Variants in FAT3 observed in about 807,000 individuals in gnomAD.
FAT3 encodes the protein FAT atypical cadherin 3.
In FAT3, 95 loss-of-function variants were observed where a neutral mutation model predicts 310.2. That is an observed-to-expected ratio of 0.31 (90% CI 0.26 to 0.36). The LOEUF is 0.36. Ranked by LOEUF, FAT3 falls within the 10% of genes least tolerant of loss-of-function variation. The pLI is 1.00. For missense variants in FAT3, 5,408 were observed against 5,715.6 expected (o/e 0.95, Z 1.74); for synonymous variants, 2,314 against 2,192.9 (o/e 1.06, Z -1.54).
chr11:92,639,480 T>TTCTC (rs1591550791), intron 3 of FAT3, among the ~76,000 whole-genome samples: 1 of 152,090 alleles, frequency 6.6e-6, no homozygotes, highest in South Asian at 2.1e-4. Flanking sequence ...ACTTCTCTCT[T>TTCTC]TCTCTCTCTC....
rs550628479 is a variant in FAT3 at position 92,272,734 on chromosome 11, G to A, written c.-18+47560G>A. 4.6e-5 allele frequency among the ~76,000 whole-genome samples: 7 copies of A among 152,144 alleles called. No individual in the cohort carries two copies. The South Asian group carries it at 1.0e-3, about 23-fold the overall frequency. On this transcript the variant is annotated intron_variant, in intron 1 of 27. Coordinates refer to ENST00000525166, the MANE Select transcript of FAT3 (RefSeq NM_001367949.2). ...GTGCCCCAAATGACTGAAATGTTAC[G>A]GACAGGGATCCTCAGGCCATCCTTA... is the stretch of plus-strand genomic sequence containing the variant.
intron 2 of FAT3, among the ~76,000 whole-genome samples, chr11:92,363,172 A>G (rs1417472449): frequency 2.0e-5 from 3 of 152,202 alleles, no homozygotes; most frequent in Admixed American, 2.0e-4. Context: ...AAGGCAAACA[A>G]TTGAGTAGCT....
At chr11:92,391,819 C>T (rs564507234) in intron 2 of FAT3, among the ~76,000 whole-genome samples, 12 of 152,142 alleles carry the variant, frequency 7.9e-5, no homozygotes, top group South Asian at 6.2e-4. Context: ...CATAGTTGTA[C>T]GTGTCCTTTA....
chr11:92,577,494 A>G (rs562491335), intron 3 of FAT3, among the ~76,000 whole-genome samples: 1 of 152,226 alleles, frequency 6.6e-6, no homozygotes, highest in African/African-American at 2.4e-5. Flanking sequence ...TAATCCATGT[A>G]TACATTGTGG....
intron 2 of FAT3, among the ~76,000 whole-genome samples, chr11:92,379,708 C>G (rs540796976): frequency 6.6e-6 from 1 of 152,264 alleles, no homozygotes; most frequent in East Asian, 1.9e-4. Context: ...GAGATGTGAT[C>G]AAAAACATCA....
At chr11:92,429,791 C>G (rs1272795577) in intron 2 of FAT3, among the ~76,000 whole-genome samples, 1 of 152,188 alleles carries the variant, frequency 6.6e-6, no homozygotes, top group East Asian at 1.9e-4. Context: ...CAACCTTTCT[C>G]TCTGGCTGCC....
At chr11:92,550,599 A>G (rs572180590) in intron 3 of FAT3, among the ~76,000 whole-genome samples, 1 of 152,164 alleles carries the variant, frequency 6.6e-6, no homozygotes, top group African/African-American at 2.4e-5. Flanking sequence ...TCCCCTGCTA[A>G]GACAGTCATT....
At chr11:92,615,594 G>C (rs1240172707) in intron 3 of FAT3, among the ~76,000 whole-genome samples, 1 of 152,186 alleles carries the variant, frequency 6.6e-6, no homozygotes, top group East Asian at 1.9e-4. Flanking sequence ...GATCTTTCCT[G>C]CTTTCTCTTG....
intron 1 of FAT3, among the ~76,000 whole-genome samples, chr11:92,236,249 ATCTT>A (rs1394967118): frequency 6.6e-6 from 1 of 152,214 alleles, no homozygotes; most frequent in Non-Finnish European, 1.5e-5. Context: ...GGGCAAGAAG[ATCTT>A]TCTTTAAAAG....
intron 2 of FAT3, among the ~76,000 whole-genome samples, chr11:92,516,434 A>G (rs1953487002): frequency 6.6e-6 from 1 of 152,174 alleles, no homozygotes; most frequent in Admixed American, 6.6e-5. Flanking sequence ...AATAAAATTA[A>G]ACACCCCTTC....
In FAT3 at chr11:92,354,808, A is replaced by G. The variant is rs200304764; in HGVS notation, c.2696A>G (p.Asn899Ser). The change falls in exon 2 of 28, where the codon AAT (asparagine) becomes AGT (serine). Residue 899 changes from asparagine to serine, a missense_variant. This residue lies in a region of FAT3 where 4,588 missense variants were observed against 4,809.8 expected (regional missense o/e 0.95). Coordinates refer to ENST00000525166, the MANE Select transcript of FAT3 (RefSeq NM_001367949.2). The stretch of plus-strand genomic sequence containing the variant: ...CAGTTGGACCGGGAATCCAAAGCCA[A>G]TTATTCTTTGAAAATAGAAGCCAGG... ...ADQLDRESKA[N>S]YSLKIEARDK... 282 of 1,613,818 alleles carry G rather than the reference A, an allele frequency of 1.7e-4. No homozygotes were observed. The highest frequency in any genetic ancestry group is 2.1e-4 in the Non-Finnish European group (249 of 1,179,862).
intron 3 of FAT3, among the ~76,000 whole-genome samples, chr11:92,653,703 T>C (rs950041701): frequency 7.9e-5 from 12 of 152,322 alleles, no homozygotes; most frequent in African/African-American, 2.6e-4. Context: ...GAAAGTCCAG[T>C]TCCTTGTTAT....
chr11:92,245,341 G>C (rs750480014), intron 1 of FAT3, among the ~76,000 whole-genome samples: 21 of 152,014 alleles, frequency 1.4e-4, no homozygotes, highest in Admixed American at 3.3e-4. Flanking sequence ...GGGCCTGTCG[G>C]GGGGTGGCGG....
chr11:92,849,313 A>G (rs560294685), intron 19 of FAT3, among the ~76,000 whole-genome samples: 1 of 152,194 alleles, frequency 6.6e-6, no homozygotes, highest in South Asian at 2.1e-4. Flanking sequence ...CAGACATCCT[A>G]TTTTCTATAT....
At chr11:92,518,359 T>C (rs1565378556) in intron 2 of FAT3, among the ~76,000 whole-genome samples, 1 of 152,146 alleles carries the variant, frequency 6.6e-6, no homozygotes, top group African/African-American at 2.4e-5. Flanking sequence ...TCCTGTCTTT[T>C]GCAGAGATAG....
At chr11:92,339,677 A>G (rs567604478) in intron 1 of FAT3, among the ~76,000 whole-genome samples, 2 of 152,284 alleles carry the variant, frequency 1.3e-5, no homozygotes, top group Admixed American at 1.3e-4. Flanking sequence ...GACTCTGTGC[A>G]TGTTTTTATA....
At chr11:92,416,098 C>A (rs35064168) in intron 2 of FAT3, among the ~76,000 whole-genome samples, 126,553 of 141,512 alleles carry the variant, frequency 0.89, 56,679 homozygotes, top group Admixed American at 0.91. Flanking sequence ...AAAAAAAGTC[C>A]GGCATGGTGG....
At chr11:92,341,678 A>G (rs1391998547) in intron 1 of FAT3, among the ~76,000 whole-genome samples, 1 of 152,032 alleles carries the variant, frequency 6.6e-6, no homozygotes, top group Admixed American at 6.6e-5. Context: ...TTCTCTTCCC[A>G]TGCTATAATT....
chr11:92,641,939 A>C (rs934538932), intron 3 of FAT3, among the ~76,000 whole-genome samples: 1 of 152,248 alleles, frequency 6.6e-6, no homozygotes, highest in East Asian at 1.9e-4. Flanking sequence ...GAATGTTGAG[A>C]TCTCTGCAAC....
Sources: gnomAD v4.1 joint callset for allele counts (sites outside exome capture counted in the v4.1 genomes callset) on GRCh38, gnomAD v4.1.1 for gene constraint, gnomAD v4.1.1 regional missense constraint, MANE v1.5 for transcripts, NCBI Gene and HGNC (gene_info 2026-07-23, HGNC 2026-07-21) for gene names.